The following FYN variants were observed in gnomAD, a reference collection of about 807,000 sequenced individuals.
FYN encodes tyrosine-protein kinase Fyn.
FYN carries 10 observed loss-of-function variants against 70.2 expected under a neutral mutation model. That is an observed-to-expected ratio of 0.14 (90% CI 0.09 to 0.24). The LOEUF is 0.24. Among genes scored for constraint, FYN ranks in the 10% least tolerant of loss-of-function variants. The pLI, the probability that FYN is intolerant of heterozygous loss-of-function variation, is 1.00. For synonymous variants in FYN, 236 were observed against 248.6 expected (o/e 0.95, Z 0.48); for missense variants, 319 against 673.1 (o/e 0.47, Z 5.82).
At chr6:111,755,112 T>C (rs1187592395) in intron 3 of FYN, among the ~76,000 whole-genome samples, 1 of 152,036 alleles carries the variant, frequency 6.6e-6, no homozygotes, top group Non-Finnish European at 1.5e-5. Context: ...GATGAACAAA[T>C]ACTGGCTGGA....
Position 111,708,001 on chromosome 6 carries a change from CT to C in FYN, c.363del (p.Ala122ProfsTer4). The C allele has an allele frequency of 6.2e-7, 1 of 1,613,718 alleles. No homozygotes were observed. Reference sequence around the variant, plus strand: ...GTCTCTCCAGTTGTCAAGGAGCGGGCTTCCCACCAATCTCCTTCCCTGTAAA... The same window carrying C: ...GTCTCTCCAGTTGTCAAGGAGCGGGCTCCCACCAATCTCCTTCCCTGTAAA... The part of the protein sequence containing the change: ...ILNSSEGDWW[E>X]ARSLTTGETG... On this transcript the variant is annotated frameshift_variant, in exon 6 of 14. Transcript: ENST00000354650. LOFTEE classifies it high-confidence loss of function.
intron 5 of FYN, among the ~76,000 whole-genome samples, chr6:111,709,259 T>C (rs954604326): frequency 1.3e-5 from 2 of 152,260 alleles, no homozygotes; most frequent in East Asian, 3.9e-4. Context: ...AAAAATGTGT[T>C]AGCTTCTGGC....
intron 13 of FYN, among the ~76,000 whole-genome samples, chr6:111,665,956 A>T (rs1401844357): frequency 1.4e-5 from 2 of 143,522 alleles, no homozygotes; most frequent in Non-Finnish European, 3.0e-5. Flanking sequence ...CCAACTGAGG[A>T]GGTGGACAAG....
intron 2 of FYN, among the ~76,000 whole-genome samples, chr6:111,807,236 C>A (rs1772178488): frequency 6.6e-6 from 1 of 152,138 alleles, no homozygotes; most frequent in Admixed American, 6.5e-5. Context: ...TTGTAGCACA[C>A]AAGAATTTGT....
At chr6:111,783,658 T>G (rs1195867897) in intron 2 of FYN, among the ~76,000 whole-genome samples, 1 of 152,214 alleles carries the variant, frequency 6.6e-6, no homozygotes, top group East Asian at 1.9e-4. Flanking sequence ...AAAATGCTAA[T>G]TACACACTGA....
intron 1 of FYN, among the ~76,000 whole-genome samples, chr6:111,857,079 T>C (rs1446390126): frequency 1.3e-5 from 2 of 152,208 alleles, no homozygotes; most frequent in African/African-American, 4.8e-5. Context: ...TGGTAACTAC[T>C]TACAAATTAT....
At chr6:111,714,740 C>T (rs777407259) in intron 4 of FYN, among the ~76,000 whole-genome samples, 1 of 152,164 alleles carries the variant, frequency 6.6e-6, no homozygotes, top group Non-Finnish European at 1.5e-5. Context: ...GCATCCCAAA[C>T]AAAAGGGCAG....
chr6:111,787,735 T>C (rs1771453569), intron 2 of FYN, among the ~76,000 whole-genome samples: 1 of 152,106 alleles, frequency 6.6e-6, no homozygotes, highest in Admixed American at 6.6e-5. Flanking sequence ...ACAGACAATA[T>C]CCTTGTATAT....
At chr6:111,814,319 G>A (rs1772416989) in intron 2 of FYN, among the ~76,000 whole-genome samples, 1 of 152,096 alleles carries the variant, frequency 6.6e-6, no homozygotes, top group African/African-American at 2.4e-5. Flanking sequence ...AAGTGGGGAG[G>A]AAAACAATAA....
At chr6:111,823,846 A>G (rs1184980210) in intron 2 of FYN, among the ~76,000 whole-genome samples, 2 of 152,272 alleles carry the variant, frequency 1.3e-5, no homozygotes, top group East Asian at 3.9e-4. Flanking sequence ...ATAAACACTC[A>G]CATTGACTTT....
intron 12 of FYN, among the ~76,000 whole-genome samples, chr6:111,680,180 C>A (rs1798723822): frequency 6.6e-6 from 1 of 152,154 alleles, no homozygotes; most frequent in Non-Finnish European, 1.5e-5. Flanking sequence ...AACACAAACA[C>A]CCACCACTGC....
At chr6:111,792,773 C>T (rs941153133) in intron 2 of FYN, among the ~76,000 whole-genome samples, 2 of 152,154 alleles carry the variant, frequency 1.3e-5, no homozygotes, top group African/African-American at 2.4e-5. Flanking sequence ...TCTGCTAGGT[C>T]CTCTCCTGCT....
intron 1 of FYN, among the ~76,000 whole-genome samples, chr6:111,851,282 G>A (rs957754190): frequency 6.6e-6 from 1 of 152,172 alleles, no homozygotes; most frequent in Non-Finnish European, 1.5e-5. Flanking sequence ...TTTATCTTAC[G>A]TAAATATTTA....
intron 2 of FYN, among the ~76,000 whole-genome samples, chr6:111,825,794 G>C (rs542257265): frequency 6.6e-6 from 1 of 152,132 alleles, no homozygotes; most frequent in African/African-American, 2.4e-5. Flanking sequence ...GGGCTGTAAC[G>C]TGTGAGGAAA....
At chr6:111,713,731 CTTGT>C (rs1221132565) in intron 5 of FYN, among the ~76,000 whole-genome samples, 5 of 152,340 alleles carry the variant, frequency 3.3e-5, no homozygotes, top group Admixed American at 2.6e-4. Flanking sequence ...CTCCCCACTG[CTTGT>C]TTAACTGTTG....
chr6:111,687,697 A>T (rs1799081518), intron 12 of FYN, among the ~76,000 whole-genome samples: 1 of 152,066 alleles, frequency 6.6e-6, no homozygotes, highest in Admixed American at 6.5e-5. Flanking sequence ...TCAATATTAT[A>T]ATAATATTAC....
intron 8 of FYN, 23 bp from the exon 9 acceptor site, chr6:111,700,291 G>A: frequency 6.2e-7 from 1 of 1,612,666 alleles, no homozygotes; most frequent in Non-Finnish European, 8.5e-7. Flanking sequence ...GGCAGGGGCA[G>A]GAGAGGGAGA....
chr6:111,837,432 C>T (rs190272675), intron 2 of FYN, among the ~76,000 whole-genome samples: 17 of 152,116 alleles, frequency 1.1e-4, no homozygotes, highest in East Asian at 9.7e-4. Context: ...CTTCAATTAC[C>T]GTAGCATTAT....
At chr6:111,802,193 T>C (rs1027917462) in intron 2 of FYN, among the ~76,000 whole-genome samples, 2 of 152,170 alleles carry the variant, frequency 1.3e-5, no homozygotes, top group Non-Finnish European at 2.9e-5. Flanking sequence ...TGAGTTCTCA[T>C]GAGATCTGGT....
Sources: allele counts gnomAD v4.1 joint callset (sites outside exome capture counted in the v4.1 genomes callset), GRCh38; gene constraint gnomAD v4.1.1; transcripts MANE v1.5; gene names NCBI Gene and HGNC (gene_info 2026-07-23, HGNC 2026-07-21).